CACNB2: variants seen among roughly 807,000 people sequenced by gnomAD.
CACNB2 encodes calcium voltage-gated channel auxiliary subunit beta 2, also known as voltage-dependent L-type calcium channel subunit beta-2.
A neutral mutation model predicts 73.3 loss-of-function variants in CACNB2; 42 were observed. The ratio of observed to expected loss-of-function variants is 0.57; its 90% CI spans 0.45 to 0.74. CACNB2 has a LOEUF of 0.74. Among genes scored for constraint, CACNB2 ranks in the 30% least tolerant of loss-of-function variants. The pLI, the probability that CACNB2 is intolerant of heterozygous loss-of-function variation, is 0.00. For synonymous variants in CACNB2, 348 were observed against 310.3 expected, an observed-to-expected ratio of 1.12 and a Z score of -1.28; for missense variants, 940 against 853.0, an observed-to-expected ratio of 1.10 and a Z score of -1.27.
At chr10:18,271,786 A>T (rs1012016068) in intron 2 of CACNB2, among the ~76,000 whole-genome samples, 12 of 152,138 alleles carry the variant, frequency 7.9e-5, no homozygotes, top group African/African-American at 2.9e-4. Flanking sequence ...TATTACATTG[A>T]GATAACAGCC....
chr10:18,409,067 G>A (rs2044463381), intron 3 of CACNB2, among the ~76,000 whole-genome samples: 1 of 152,014 alleles, frequency 6.6e-6, no homozygotes, highest in Non-Finnish European at 1.5e-5. Context: ...GGAGGCCAAG[G>A]CAGATGGATC....
chr10:18,181,792 T>C (rs1315836240), intron 2 of CACNB2: 1 of 149,896 alleles, frequency 6.7e-6, no homozygotes, highest in African/African-American at 2.5e-5. Flanking sequence ...TTTTTGTATT[T>C]TTTTTTTTTT....
chr10:18,474,007 T>C (rs1381624953), intron 3 of CACNB2, among the ~76,000 whole-genome samples: 1 of 152,084 alleles, frequency 6.6e-6, no homozygotes, highest in African/African-American at 2.4e-5. Flanking sequence ...AATGCGAGGG[T>C]TGGATTTGCT....
chr10:18,162,138 T>G (rs2032513968), intron 2 of CACNB2, among the ~76,000 whole-genome samples: 1 of 152,210 alleles, frequency 6.6e-6, no homozygotes, highest in Non-Finnish European at 1.5e-5. Flanking sequence ...TAAGTCAGTA[T>G]CCTTCACAGT....
rs1424501231 is a variant in CACNB2, at chr10:18,251,649, A to T, written c.213+100674A>T. Among the ~76,000 whole-genome samples, 8 of 152,342 alleles carry T rather than the reference A, an allele frequency of 5.3e-5. No homozygotes were observed. The East Asian group carries it at 1.5e-3, about 29-fold the overall frequency. Reference sequence around the variant, plus strand: ...AGACTGGGTAACTTATGAAGAAAAGAGGTTTAATTGACTCAGTTCCACAGG... The same window carrying T: ...AGACTGGGTAACTTATGAAGAAAAGTGGTTTAATTGACTCAGTTCCACAGG... On this transcript the variant is annotated intron_variant, in intron 2 of 13. Coordinates refer to ENST00000324631, the MANE Select transcript of CACNB2 (RefSeq NM_201596.3).
chr10:18,452,881 G>A (rs2132620386), intron 3 of CACNB2, among the ~76,000 whole-genome samples: 1 of 152,300 alleles, frequency 6.6e-6, no homozygotes, highest in African/African-American at 2.4e-5. Flanking sequence ...AGTGCAGAAG[G>A]ATATTAGAAT....
chr10:18,506,792 T>G lies in CACNB2; in HGVS notation c.670+245T>G, dbSNP rs10741089. ...TAGATGATCAAAGTGATTAATGTATTTATTTATTTATTTATTTATTTTTTT... is the reference window on the plus strand; with the variant it reads ...TAGATGATCAAAGTGATTAATGTATGTATTTATTTATTTATTTATTTTTTT... On this transcript the variant is annotated intron_variant, in intron 6 of 13. Transcript: ENST00000324631. Among the ~76,000 whole-genome samples the G allele has an allele frequency of 0.45, 68,903 of 151,910 alleles. 15,791 individuals carry two copies. Among genetic ancestry groups the G allele is most frequent in the East Asian group, 0.52 (2,709 of 5,174 alleles).
chr10:18,528,252 AAT>A (rs1326162169), intron 10 of CACNB2, among the ~76,000 whole-genome samples: 11 of 152,320 alleles, frequency 7.2e-5, no homozygotes, highest in South Asian at 4.1e-4. Flanking sequence ...GATAGATATC[AAT>A]ATGTTTGTTT....
chr10:18,198,836 G>T (rs1564337466), intron 2 of CACNB2, among the ~76,000 whole-genome samples: 1 of 152,108 alleles, frequency 6.6e-6, no homozygotes, highest in African/African-American at 2.4e-5. Context: ...CTGACGCATT[G>T]CATGACCACT....
chr10:18,536,426 C>CT (rs904440674), intron 12 of CACNB2, among the ~76,000 whole-genome samples: 12 of 148,246 alleles, frequency 8.1e-5, no homozygotes, highest in South Asian at 4.3e-4. Flanking sequence ...GATCGGCTAA[C>CT]TTTTTTTTTT....
intron 2 of CACNB2, among the ~76,000 whole-genome samples, chr10:18,335,812 CACACACACACACAT>C (rs1413505622): frequency 2.0e-5 from 3 of 151,544 alleles, no homozygotes; most frequent in South Asian, 4.2e-4. Context: ...CACACACACA[CACACACACACACAT>C]ACACACACAG....
chr10:18,295,334 G>T (rs1460640283), intron 2 of CACNB2, among the ~76,000 whole-genome samples: 2 of 152,130 alleles, frequency 1.3e-5, no homozygotes, highest in Admixed American at 6.5e-5. Context: ...CATGACAACT[G>T]CATAGACCCC....
intron 3 of CACNB2, among the ~76,000 whole-genome samples, chr10:18,425,752 G>T (rs1250212417): frequency 3.3e-5 from 5 of 152,140 alleles, no homozygotes; most frequent in Non-Finnish European, 7.4e-5. Context: ...ATTTCTAACA[G>T]TTTTAAAATT....
chr10:18,173,465 A>T (rs12242962), intron 2 of CACNB2, among the ~76,000 whole-genome samples: 6,379 of 152,242 alleles, frequency 0.042, 441 homozygotes, highest in African/African-American at 0.15. Flanking sequence ...TGGTGTATAT[A>T]CTTCCAGGAA....
At chr10:18,400,059 C>T (rs759800572) in intron 2 of CACNB2, among the ~76,000 whole-genome samples, 1 of 152,144 alleles carries the variant, frequency 6.6e-6, no homozygotes, top group African/African-American at 2.4e-5. Flanking sequence ...GGTAGTTTCT[C>T]AGTTGGAGAA....
chr10:18,257,218 T>C (rs188498058), intron 2 of CACNB2: 1 of 152,368 alleles, frequency 6.6e-6, no homozygotes, highest in Non-Finnish European at 1.5e-5. Flanking sequence ...ACATACCATT[T>C]CTACATCTGC....
chr10:18,410,793 A>G (rs937121848), intron 3 of CACNB2, among the ~76,000 whole-genome samples: 2 of 152,148 alleles, frequency 1.3e-5, no homozygotes, highest in African/African-American at 4.8e-5. Context: ...CAGCCTGGCC[A>G]GCATGGTGAA....
In CACNB2 at chr10:18,415,320, G is replaced by A. The variant is rs11014143; in HGVS notation, c.333+13277G>A. ...TCTCTACAAAAAATAAGCAAAAATAGTTAGGTATGGTGGTACATGCCTGCA... is the reference window on the plus strand; with the variant it reads ...TCTCTACAAAAAATAAGCAAAAATAATTAGGTATGGTGGTACATGCCTGCA... On this transcript the variant is annotated intron_variant, in intron 3 of 13. Coordinates refer to ENST00000324631, the MANE Select transcript of CACNB2 (RefSeq NM_201596.3). 4.9e-3 allele frequency among the ~76,000 whole-genome samples: 750 copies of A among 152,206 alleles called. 5 individuals are homozygous for A. Among genetic ancestry groups the A allele is most frequent in the African/African-American group, 0.017 (711 of 41,518 alleles).
chr10:18,492,386 C>T (rs538294892), intron 3 of CACNB2, among the ~76,000 whole-genome samples: 1 of 152,094 alleles, frequency 6.6e-6, no homozygotes, highest in South Asian at 2.1e-4. Context: ...TTCGGGAAGC[C>T]GAGGCAAGCG....
Sources: gnomAD v4.1 joint callset for allele counts (sites outside exome capture counted in the v4.1 genomes callset) on GRCh38, gnomAD v4.1.1 for gene constraint, MANE v1.5 for transcripts, NCBI Gene and HGNC (gene_info 2026-07-23, HGNC 2026-07-21) for gene names.